RNF149: variants seen among roughly 807,000 people sequenced by gnomAD.
The protein encoded by RNF149 is ring finger protein 149.
Under a neutral mutation model 39.0 loss-of-function variants are expected in RNF149, and 21 were observed. That is an observed-to-expected ratio of 0.54 (90% CI 0.38 to 0.77). The LOEUF is 0.77. RNF149 is among the 30% of genes least tolerant of loss of function. The pLI is 0.00. For missense variants in RNF149, 493 were observed against 534.9 expected (o/e 0.92, Z 0.77); for synonymous variants, 209 against 213.6 (o/e 0.98, Z 0.19).
At chr2:101,282,465 C>G (rs1173369891) in intron 5 of RNF149, among the ~76,000 whole-genome samples, 1 of 152,060 alleles carries the variant, frequency 6.6e-6, no homozygotes, top group Admixed American at 6.6e-5. Flanking sequence ...TGAACAGATG[C>G]CTTCAGACTG....
At chr2:101,307,323 G>A (rs769597144) in intron 1 of RNF149, among the ~76,000 whole-genome samples, 1 of 152,010 alleles carries the variant, frequency 6.6e-6, no homozygotes, top group Non-Finnish European at 1.5e-5. Flanking sequence ...CTGAGACTAC[G>A]GGCGGGCGCC....
At chr2:101,300,697 G>A (rs1156440079) in intron 1 of RNF149, among the ~76,000 whole-genome samples, 2 of 152,028 alleles carry the variant, frequency 1.3e-5, no homozygotes, top group East Asian at 3.8e-4. Flanking sequence ...TAAACATTTT[G>A]CTATATTATA....
In RNF149 at chr2:101,301,237, TG is replaced by T. The variant is rs1165225084; in HGVS notation, c.461-6057del. Among the ~76,000 whole-genome samples, 30 of 126,266 alleles carry T rather than the reference TG, an allele frequency of 2.4e-4. 1 individual carries two copies. The highest frequency in any genetic ancestry group is 1.1e-4 in the Non-Finnish European group (6 of 55,700). The allele number at this position is 126,266 out of a possible 152,430, so 82.8% of individuals were successfully genotyped here. On this transcript the variant is annotated intron_variant, in intron 1 of 6. Coordinates refer to ENST00000295317, the MANE Select transcript of RNF149 (RefSeq NM_173647.4). ...AGGAAAATTTCCTGAAGGCAATTTC[TG>T]TTTTTTTTTTGTTTTACACTTAGCA...
downstream of RNF149, chr2:101,273,083 G>C (rs755096960): frequency 1.8e-5 from 25 of 1,361,372 alleles, no homozygotes; most frequent in Admixed American, 3.2e-4. Context: ...GAAAGGCTGT[G>C]TGTTCAGGAT....
intron 4 of RNF149, among the ~76,000 whole-genome samples, chr2:101,286,847 G>A (rs1048122627): frequency 2.0e-5 from 3 of 152,174 alleles, no homozygotes; most frequent in Non-Finnish European, 2.9e-5. Context: ...CGAGCTCTGC[G>A]ACTCAATGGC....
chr2:101,305,804 T>C (rs1182616404), intron 1 of RNF149, among the ~76,000 whole-genome samples: 2 of 152,166 alleles, frequency 1.3e-5, no homozygotes, highest in African/African-American at 4.8e-5. Context: ...CTCTGGCTAA[T>C]CTTTTAAACT....
intron 1 of RNF149, among the ~76,000 whole-genome samples, chr2:101,303,006 A>C (rs1044799981): frequency 6.6e-6 from 1 of 151,798 alleles, no homozygotes; most frequent in Non-Finnish European, 1.5e-5. Flanking sequence ...AACAAAAACA[A>C]AACCCCAAAA....
chr2:101,295,738 C>A (rs1448297309), intron 1 of RNF149, among the ~76,000 whole-genome samples: 14 of 151,086 alleles, frequency 9.3e-5, no homozygotes, highest in Admixed American at 8.6e-4. Flanking sequence ...ACCACCAAAC[C>A]TTTAAGGCAC....
intron 6 of RNF149, chr2:101,281,532 G>A (rs1573223201): frequency 7.4e-6 from 1 of 134,268 alleles, no homozygotes; most frequent in Admixed American, 1.1e-4. Context: ...GTCTTGCTCT[G>A]TCACCCAGGC....
intron 5 of RNF149, among the ~76,000 whole-genome samples, chr2:101,284,382 C>A (rs183895531): frequency 1.3e-5 from 2 of 152,116 alleles, no homozygotes; most frequent in East Asian, 3.9e-4. Context: ...GATTTTGAGA[C>A]CATCCTGGCC....
rs906453991 is a variant in RNF149, at chr2:101,292,752, C to G, written c.780+1262G>C. Among the ~76,000 whole-genome samples the G allele has an allele frequency of 5.3e-5, 8 of 151,764 alleles. No homozygotes were observed. In the South Asian group the frequency reaches 1.7e-3, roughly 32 times the overall value. On this transcript the variant is annotated intron_variant, in intron 3 of 6. Coordinates refer to ENST00000295317, the MANE Select transcript of RNF149 (RefSeq NM_173647.4). ...CTGCACTCCAGCCTGGGTGACAGAG[C>G]GAGACTCCATCTCAAATGAAGAAAA...
At chr2:101,295,262 T>C in intron 1 of RNF149, 81 bp from the exon 2 acceptor site, 1 of 1,195,932 alleles carries the variant, frequency 8.4e-7, no homozygotes, top group Non-Finnish European at 1.2e-6. Context: ...AAGGGTACTA[T>C]GTTCATCTAC....
At chr2:101,273,059 G>A, downstream of RNF149, 2 of 1,356,992 alleles carry the variant, frequency 1.5e-6, no homozygotes, top group South Asian at 1.1e-5. Context: ...TAGCTGGAGG[G>A]AGCAGTCTTC....
chr2:101,296,567 G>T (rs1462985800), intron 1 of RNF149, among the ~76,000 whole-genome samples: 1 of 152,118 alleles, frequency 6.6e-6, no homozygotes, highest in South Asian at 2.1e-4. Context: ...ATACATGAAA[G>T]AATTTAGTGC....
chr2:101,288,951 T>G (rs1293146547), intron 4 of RNF149, 22 bp downstream of exon 4: 1 of 1,235,318 alleles, frequency 8.1e-7, no homozygotes, highest in East Asian at 2.4e-5. Context: ...TTTTAACATC[T>G]CAATATGTAA....
chr2:101,304,814 G>A (rs530306322), intron 1 of RNF149, among the ~76,000 whole-genome samples: 18 of 151,234 alleles, frequency 1.2e-4, no homozygotes, highest in Non-Finnish European at 2.7e-4. Flanking sequence ...TTCTCCTGAG[G>A]CTTGGGAAGA....
chr2:101,285,951 A>C, intron 5 of RNF149, 130 bp downstream of exon 5: 1 of 561,124 alleles, frequency 1.8e-6, no homozygotes, highest in Non-Finnish European at 3.2e-6. Flanking sequence ...TAATGAGGAA[A>C]ATTTCTTCAG....
chr2:101,292,546 C>A (rs984767301), intron 3 of RNF149, among the ~76,000 whole-genome samples: 13 of 152,040 alleles, frequency 8.6e-5, no homozygotes, highest in African/African-American at 3.1e-4. Context: ...GCAGGTGGAT[C>A]ACGAGGTCAG....
chr2:101,305,658 G>A (rs1683624290), intron 1 of RNF149, among the ~76,000 whole-genome samples: 1 of 152,096 alleles, frequency 6.6e-6, no homozygotes, highest in African/African-American at 2.4e-5. Context: ...AATGCACAGG[G>A]CAACCCCCGC....
Sources: gnomAD v4.1 joint callset for allele counts (sites outside exome capture counted in the v4.1 genomes callset) on GRCh38, gnomAD v4.1.1 for gene constraint, MANE v1.5 for transcripts, NCBI Gene and HGNC (gene_info 2026-07-23, HGNC 2026-07-21) for gene names.